Variants in DOCK1 observed in about 807,000 individuals in gnomAD.
The protein encoded by DOCK1 is dedicator of cytokinesis protein 1.
A neutral mutation model predicts 262.7 loss-of-function variants in DOCK1; 138 were observed. The ratio of observed to expected loss-of-function variants is 0.53; its 90% CI spans 0.46 to 0.61. The LOEUF (loss-of-function observed/expected upper bound fraction) is 0.61. Among genes scored for constraint, DOCK1 ranks in the 20% least tolerant of loss-of-function variants. DOCK1 has a pLI of 0.00. For missense variants in DOCK1, 1,908 were observed against 2,370.7 expected (o/e 0.80, Z 4.05); for synonymous variants, 866 against 867.4 (o/e 1.00, Z 0.03).
chr10:127,192,314 T>A lies in DOCK1; in HGVS notation c.2848-55694T>A, dbSNP rs138485063. On this transcript the variant is annotated intron_variant, in intron 27 of 51. Transcript: ENST00000623213. Reference sequence around the variant, plus strand: ...TTCCAAATCCCTTTGAAATATGTTGTTAGCCAAAAGGTTTATAGAGTAATT... The same window carrying A: ...TTCCAAATCCCTTTGAAATATGTTGATAGCCAAAAGGTTTATAGAGTAATT... Among the ~76,000 whole-genome samples the A allele has an allele frequency of 5.3e-5, 8 of 152,342 alleles. No homozygotes were observed. The East Asian group carries it at 1.2e-3, about 22-fold the overall frequency.
chr10:126,947,102 C>A (rs1297397662), intron 1 of DOCK1, among the ~76,000 whole-genome samples: 1 of 152,176 alleles, frequency 6.6e-6, no homozygotes, highest in Admixed American at 6.6e-5. Flanking sequence ...TCAGTCTTTG[C>A]GTGCAGAAAT....
chr10:127,257,261 T>C (rs2059858772), intron 28 of DOCK1, 74 bp from the exon 29 acceptor site: 3 of 1,197,696 alleles, frequency 2.5e-6, no homozygotes, highest in Non-Finnish European at 3.6e-6. Context: ...TATTTTATAA[T>C]CTAATTGACA....
chr10:127,201,396 A>G (rs559124519), intron 27 of DOCK1, among the ~76,000 whole-genome samples: 1 of 152,308 alleles, frequency 6.6e-6, no homozygotes, highest in African/African-American at 2.4e-5. Flanking sequence ...TTCCAGGGCC[A>G]TGCCACTCCT....
chr10:127,287,707 A>C (rs1414261856), intron 29 of DOCK1, among the ~76,000 whole-genome samples: 1 of 152,002 alleles, frequency 6.6e-6, no homozygotes, highest in Non-Finnish European at 1.5e-5. Flanking sequence ...ATACCTGATA[A>C]GTGGTGTGGT....
intron 33 of DOCK1, among the ~76,000 whole-genome samples, chr10:127,363,644 A>G (rs576519501): frequency 2.0e-5 from 3 of 152,300 alleles, no homozygotes; most frequent in African/African-American, 4.8e-5. Flanking sequence ...ATTAAAGGGT[A>G]TATTATCCTT....
chr10:127,384,229 T>C (rs935640175), intron 37 of DOCK1, among the ~76,000 whole-genome samples: 3 of 152,200 alleles, frequency 2.0e-5, no homozygotes, highest in African/African-American at 7.2e-5. Context: ...TCCTCGTGCA[T>C]CTTCAGCTCA....
In DOCK1 at chr10:127,273,783, G is replaced by T. The variant is rs145690227; in HGVS notation, c.3044+16354G>T. On this transcript the variant is annotated intron_variant, in intron 29 of 51. Coordinates refer to ENST00000623213, the MANE Select transcript of DOCK1 (RefSeq NM_001290223.2). ...CTGTAGTCCAGCTACTTGGGAGGCTGAGACAGGAGAATTGCTTCAACCTGG... is the reference window on the plus strand; with the variant it reads ...CTGTAGTCCAGCTACTTGGGAGGCTTAGACAGGAGAATTGCTTCAACCTGG... 2.6e-3 allele frequency among the ~76,000 whole-genome samples: 402 copies of T among 151,978 alleles called. 17 individuals are homozygous for T. In the East Asian group the frequency reaches 0.062, roughly 24 times the overall value.
In DOCK1 at chr10:127,446,861, T is replaced by TA. The variant is rs778810688; in HGVS notation, c.5414-532dup. On this transcript the variant is annotated intron_variant, in intron 50 of 51. Coordinates refer to ENST00000623213, the MANE Select transcript of DOCK1 (RefSeq NM_001290223.2). This position sits in a 1 kb window ranked among gnomAD's most constrained non-coding sequence, Gnocchi z 4.4. ...TTAAAGCAACAGCCACAGTGACTGC[T>TA]ATGGCTAATGACTTCATGTCATACG... Among the ~76,000 whole-genome samples the TA allele has an allele frequency of 3.3e-5, 5 of 152,228 alleles. No homozygotes were observed. Among genetic ancestry groups the TA allele is most frequent in the Non-Finnish European group, 5.9e-5 (4 of 68,036 alleles).
At chr10:127,119,049 C>CT (rs10655577) in intron 25 of DOCK1, among the ~76,000 whole-genome samples, 111,909 of 145,960 alleles carry the variant, frequency 0.77, 44,671 homozygotes, top group South Asian at 0.89. Context: ...AGGAATCAGG[C>CT]TTTTTTTTTT....
chr10:127,257,058 T>C (rs2059850844), intron 28 of DOCK1, among the ~76,000 whole-genome samples: 1 of 152,198 alleles, frequency 6.6e-6, no homozygotes, highest in African/African-American at 2.4e-5. Flanking sequence ...GAATGCCTAT[T>C]CCTAACCTTT....
chr10:127,210,506 C>G (rs1400595351), intron 27 of DOCK1, among the ~76,000 whole-genome samples: 1 of 152,216 alleles, frequency 6.6e-6, no homozygotes, highest in Non-Finnish European at 1.5e-5. Flanking sequence ...GCCCGGGAAA[C>G]CAGGAAATGC....
At chr10:127,336,363 T>TCAGCTTTCCTC (rs1242109769) in intron 29 of DOCK1, among the ~76,000 whole-genome samples, 7 of 152,056 alleles carry the variant, frequency 4.6e-5, no homozygotes, top group African/African-American at 1.7e-4. Context: ...GATCTTTCCT[T>TCAGCTTTCCTC]CAGCTTTCCT....
At chr10:127,006,000 C>T (rs893327923) in intron 10 of DOCK1, among the ~76,000 whole-genome samples, 2 of 152,220 alleles carry the variant, frequency 1.3e-5, no homozygotes, top group African/African-American at 4.8e-5. Flanking sequence ...TCAATGGCTG[C>T]AGCCTGTAGT....
At chr10:126,915,551 T>C (rs2032377987) in intron 1 of DOCK1, among the ~76,000 whole-genome samples, 1 of 152,138 alleles carries the variant, frequency 6.6e-6, no homozygotes, top group Admixed American at 6.5e-5. Flanking sequence ...CCCAAGTAGC[T>C]GGGATTACAG....
At chr10:127,366,888 G>A (rs144528521) in intron 33 of DOCK1, among the ~76,000 whole-genome samples, 8 of 152,310 alleles carry the variant, frequency 5.3e-5, no homozygotes, top group Admixed American at 2.0e-4. Flanking sequence ...CCCTACTGGA[G>A]TAGGGGGAAG....
At chr10:127,296,384 G>C (rs900956233) in intron 29 of DOCK1, among the ~76,000 whole-genome samples, 3 of 152,116 alleles carry the variant, frequency 2.0e-5, no homozygotes, top group Non-Finnish European at 2.9e-5. Context: ...CCCTTTCAGC[G>C]CCTCCACCTG....
chr10:127,042,701 T>G lies in DOCK1; in HGVS notation c.2087T>G (p.Val696Gly). ...GAGAGTGAGACTTTTGACACGTTAGTCTTTGATGCTCTGGTAAGAGAGCTT... is the reference window on the plus strand; with the variant it reads ...GAGAGTGAGACTTTTGACACGTTAGGCTTTGATGCTCTGGTAAGAGAGCTT... ...NSESETFDTL[V>G]FDALVFIIGL... is the part of the protein sequence containing the mutation. The change falls in exon 20 of 52, where the codon GTC becomes GGC. Residue 696 changes from valine to glycine, a missense_variant. This residue lies in a region of DOCK1 where 294 missense variants were observed against 439.9 expected (regional missense o/e 0.67). Transcript: ENST00000623213. 3 of 1,614,012 alleles carry G rather than the reference T, an allele frequency of 1.9e-6. No individual in the cohort carries two copies. The highest frequency in any genetic ancestry group is 2.5e-6 in the Non-Finnish European group (3 of 1,179,956).
intron 27 of DOCK1, among the ~76,000 whole-genome samples, chr10:127,130,119 T>A (rs1592138953): frequency 6.9e-6 from 1 of 144,844 alleles, no homozygotes; most frequent in Middle Eastern, 3.8e-3. Context: ...AGTCTTGCTC[T>A]GTCGCCCAGG....
intron 23 of DOCK1, among the ~76,000 whole-genome samples, chr10:127,089,493 T>A (rs2047391724): frequency 6.6e-6 from 1 of 152,266 alleles, no homozygotes; most frequent in African/African-American, 2.4e-5. Context: ...CCACTCTCAG[T>A]GACTTACTGC....
Sources: allele counts gnomAD v4.1 joint callset (sites outside exome capture counted in the v4.1 genomes callset), GRCh38; gene constraint gnomAD v4.1.1; regional missense constraint gnomAD v4.1.1; non-coding constraint Gnocchi (gnomAD v3.1); transcripts MANE v1.5; gene names NCBI Gene and HGNC (gene_info 2026-07-23, HGNC 2026-07-21).